TMEM72: variants seen among roughly 807,000 people sequenced by gnomAD.
TMEM72 encodes the protein transmembrane protein 72, also known as kidney-specific secretory protein of 37 kDa.
A neutral mutation model predicts 16.3 loss-of-function variants in TMEM72; 9 were observed. That is an observed-to-expected ratio of 0.55 (90% CI 0.33 to 0.96). TMEM72 has a LOEUF of 0.96. TMEM72 is among the 40% of genes least tolerant of loss of function. The pLI, the probability that TMEM72 is intolerant of heterozygous loss-of-function variation, is 0.03. For missense variants in TMEM72, 324 were observed against 337.8 expected (o/e 0.96, Z 0.32); for synonymous variants, 160 against 146.5 (o/e 1.09, Z -0.66).
intron 1 of TMEM72, among the ~76,000 whole-genome samples, chr10:44,917,757 A>G (rs1206656768): frequency 6.6e-6 from 1 of 152,150 alleles, no homozygotes; most frequent in African/African-American, 2.4e-5. Context: ...ATGGACAGAG[A>G]ACAATGGGAG....
chr10:44,916,072 C>CTGGCAGAGG (rs1369715883), intron 1 of TMEM72, among the ~76,000 whole-genome samples: 1 of 152,170 alleles, frequency 6.6e-6, no homozygotes, highest in Non-Finnish European at 1.5e-5. Flanking sequence ...TTGAGGTAAC[C>CTGGCAGAGG]TGGCAGAGGT....
chr10:44,920,553 T>G (rs1840079436), intron 1 of TMEM72, among the ~76,000 whole-genome samples: 1 of 152,156 alleles, frequency 6.6e-6, no homozygotes, highest in Admixed American at 6.5e-5. Context: ...GACCTCAAAG[T>G]AAATTAGTGA....
chr10:44,928,968 C>T (rs914212439), intron 2 of TMEM72, among the ~76,000 whole-genome samples: 8 of 152,206 alleles, frequency 5.3e-5, no homozygotes, highest in African/African-American at 1.9e-4. Flanking sequence ...ATTTGAGCTT[C>T]TCTACATGCC....
At chr10:44,916,570 T>G (rs1452456837) in intron 1 of TMEM72, among the ~76,000 whole-genome samples, 2 of 152,170 alleles carry the variant, frequency 1.3e-5, no homozygotes, top group African/African-American at 2.4e-5. Context: ...TTACCCCTCT[T>G]ACATGTATAT....
intron 1 of TMEM72, among the ~76,000 whole-genome samples, chr10:44,924,640 C>G (rs1184047679): frequency 4.6e-5 from 7 of 152,246 alleles, no homozygotes; most frequent in Admixed American, 4.6e-4. Flanking sequence ...GTTGTTTCAA[C>G]CTGGCATGCT....
intron 1 of TMEM72, among the ~76,000 whole-genome samples, chr10:44,917,278 C>T (rs533868245): frequency 9.0e-4 from 137 of 152,234 alleles, no homozygotes; most frequent in Admixed American, 2.7e-3. Flanking sequence ...TAGATTCTCA[C>T]TCAGCATGGG....
chr10:44,911,629 A>G, intron 1 of TMEM72, 47 bp downstream of exon 1: 2 of 1,540,260 alleles, frequency 1.3e-6, no homozygotes, highest in Non-Finnish European at 1.8e-6. Flanking sequence ...CTGGCACCAC[A>G]GATAGGGCTG....
intron 1 of TMEM72, among the ~76,000 whole-genome samples, chr10:44,915,976 T>C (rs985369477): frequency 1.3e-5 from 2 of 152,136 alleles, no homozygotes; most frequent in African/African-American, 2.4e-5. Flanking sequence ...ATGGTCATTG[T>C]CTCGCTCCAG....
chr10:44,933,721 G>C lies in TMEM72; in HGVS notation c.294G>C (p.Leu98=), dbSNP rs1247663547. ...TCCAGAAGTTCCTGGCCTACCTGCT[G>C]CTGTCGGTGGCCTGCTTCCTCCACC... ...GCFQKFLAYL[L]LSVACFLHPV... is the part of the protein sequence containing the mutation. The change falls in exon 4 of 5, where the codon CTG becomes CTC. Residue 98 remains leucine (L), a synonymous_variant. Transcript: ENST00000389583. 2 of 1,614,128 alleles carry C rather than the reference G, an allele frequency of 1.2e-6. No individual in the cohort carries two copies. Among genetic ancestry groups the C allele is most frequent in the Non-Finnish European group, 1.7e-6 (2 of 1,179,998 alleles).
intron 2 of TMEM72, 60 bp downstream of exon 2, chr10:44,928,047 C>A: frequency 6.3e-7 from 1 of 1,575,432 alleles, no homozygotes; most frequent in Non-Finnish European, 8.7e-7. Flanking sequence ...CACCCTACAT[C>A]TGTCTACTCA....
intron 4 of TMEM72, 136 bp downstream of exon 4, chr10:44,933,912 G>A: frequency 2.6e-6 from 3 of 1,149,686 alleles, no homozygotes; most frequent in South Asian, 3.6e-5. Context: ...TGACCTAGAG[G>A]GTGGACATGA....
chr10:44,925,580 A>T (rs1840173547), intron 1 of TMEM72, among the ~76,000 whole-genome samples: 1 of 152,358 alleles, frequency 6.6e-6, no homozygotes, highest in Admixed American at 6.5e-5. Flanking sequence ...TACGGTCCTC[A>T]TGACCACTGT....
rs907993881 is a variant in TMEM72 at position 44,935,191 on chromosome 10, T to C, written c.*57T>C. On this transcript the variant is annotated 3_prime_UTR_variant, in exon 5 of 5. Coordinates refer to ENST00000389583, the MANE Select transcript of TMEM72 (RefSeq NM_001123376.3). Reference sequence around the variant, plus strand: ...AGGGGTCTACCTAGCTCAATGGCCCTCCCTGGAGTTTCAGGGTCTTCTCTG... The same window carrying C: ...AGGGGTCTACCTAGCTCAATGGCCCCCCCTGGAGTTTCAGGGTCTTCTCTG... 2.7e-6 allele frequency: 4 copies of C among 1,482,078 alleles called. No individual in the cohort carries two copies. The African/African-American group carries it at 5.6e-5, about 21-fold the overall frequency. The allele number at this position is 1,482,078 out of a possible 1,614,324, so 91.8% of individuals were successfully genotyped here.
chr10:44,933,618 C>T lies in TMEM72; in HGVS notation c.210-19C>T, dbSNP rs1206171050. On this transcript the variant is annotated intron_variant, in intron 3 of 4. Coordinates refer to ENST00000389583, the MANE Select transcript of TMEM72 (RefSeq NM_001123376.3). ...TTTTCCTGGGACACATTATGCTAAC[C>T]TGGACTCCCTCTCCCCAGGTGTCAA... 5 of 1,608,816 alleles carry T rather than the reference C, an allele frequency of 3.1e-6. No individual in the cohort carries two copies. Among genetic ancestry groups the T allele is most frequent in the Non-Finnish European group, 4.3e-6 (5 of 1,176,460 alleles).
chr10:44,928,255 C>G (rs920990268), intron 2 of TMEM72, among the ~76,000 whole-genome samples: 1 of 151,852 alleles, frequency 6.6e-6, no homozygotes, highest in Non-Finnish European at 1.5e-5. Context: ...CCCATCCATT[C>G]GTCAGCCCAC....
At chr10:44,930,013 C>G (rs1564437946) in intron 2 of TMEM72, among the ~76,000 whole-genome samples, 1 of 152,248 alleles carries the variant, frequency 6.6e-6, no homozygotes, top group African/African-American at 2.4e-5. Context: ...GGGCCTTCCT[C>G]CTCTCCAGTG....
At chr10:44,933,054 C>A (rs879439246) in intron 3 of TMEM72, among the ~76,000 whole-genome samples, 1 of 152,270 alleles carries the variant, frequency 6.6e-6, no homozygotes, top group Non-Finnish European at 1.5e-5. Flanking sequence ...GCACTTGCCC[C>A]CTGTGAAACA....
intron 1 of TMEM72, among the ~76,000 whole-genome samples, chr10:44,925,572 C>T (rs1020790266): frequency 2.6e-5 from 4 of 152,340 alleles, no homozygotes; most frequent in East Asian, 1.9e-4. Flanking sequence ...TAGCTCACTA[C>T]GGTCCTCATG....
At chr10:44,923,684 A>G (rs1402221984) in intron 1 of TMEM72, among the ~76,000 whole-genome samples, 3 of 152,218 alleles carry the variant, frequency 2.0e-5, no homozygotes. Flanking sequence ...TGACATGCCC[A>G]GGAAGCTTCC....
Sources: gnomAD v4.1 joint callset for allele counts (sites outside exome capture counted in the v4.1 genomes callset) on GRCh38, gnomAD v4.1.1 for gene constraint, MANE v1.5 for transcripts, NCBI Gene and HGNC (gene_info 2026-07-23, HGNC 2026-07-21) for gene names.